The following CPM variants were observed in gnomAD, a reference collection of about 807,000 sequenced individuals.
CPM encodes renal carboxypeptidase.
CPM carries 35 observed loss-of-function variants against 46.4 expected under a neutral mutation model. The observed-to-expected ratio is 0.75, with a 90% CI of 0.58 to 1.00. The LOEUF is 1.00. CPM is among the 50% of genes least tolerant of loss of function. The probability of loss-of-function intolerance (pLI) is 0.00; values close to 1 mark genes in which losing one functional copy is unlikely to be tolerated. For synonymous variants in CPM, 195 were observed against 195.3 expected, an observed-to-expected ratio of 1.00 and a Z score of 0.01; for missense variants, 422 against 530.4, an observed-to-expected ratio of 0.80 and a Z score of 2.01.
intron 7 of CPM, among the ~76,000 whole-genome samples, chr12:68,866,488 C>T (rs185874335): frequency 8.0e-4 from 122 of 152,290 alleles, no homozygotes; most frequent in African/African-American, 2.7e-3. Context: ...GGACTACAGG[C>T]GTGTGCCACC....
At chr12:68,889,106 T>C (rs148409625) in intron 2 of CPM, among the ~76,000 whole-genome samples, 32 of 152,340 alleles carry the variant, frequency 2.1e-4, no homozygotes, top group African/African-American at 7.7e-4. Context: ...GAAACTGGCA[T>C]TTAACAAGTT....
rs546662020 is a variant in CPM at position 68,917,397 on chromosome 12, G to A, written c.160+15281C>T. On this transcript the variant is annotated intron_variant, in intron 2 of 8. Transcript: ENST00000551568. ...GAACTATATTAGGCATTCAATAAAT[G>A]TTTACTAAATAAGTGGAATGAATCT... Among the ~76,000 whole-genome samples, 4 of 152,286 alleles carry A rather than the reference G, an allele frequency of 2.6e-5. No individual in the cohort carries two copies. In the South Asian group the frequency reaches 8.3e-4, roughly 32 times the overall value.
At chr12:68,866,197 G>A (rs141075659) in intron 7 of CPM, among the ~76,000 whole-genome samples, 178 of 152,310 alleles carry the variant, frequency 1.2e-3, no homozygotes, top group African/African-American at 4.2e-3. Flanking sequence ...TTGGTACTGC[G>A]TGGTGAGTGA....
intron 2 of CPM, among the ~76,000 whole-genome samples, chr12:68,896,340 C>T (rs1886876344): frequency 6.6e-6 from 1 of 152,138 alleles, no homozygotes; most frequent in African/African-American, 2.4e-5. Flanking sequence ...CCCCTGCAAC[C>T]CCTCTCCTAT....
At chr12:68,925,073 A>G (rs1045511713) in intron 2 of CPM, among the ~76,000 whole-genome samples, 28 of 152,248 alleles carry the variant, frequency 1.8e-4, no homozygotes, top group African/African-American at 5.8e-4. Flanking sequence ...TACTTACAAC[A>G]TAACAATGAG....
At chr12:68,925,912 A>T (rs149457366) in intron 2 of CPM, among the ~76,000 whole-genome samples, 2 of 152,206 alleles carry the variant, frequency 1.3e-5, no homozygotes, top group African/African-American at 4.8e-5. Flanking sequence ...TTTTATTTAT[A>T]TATTTATTTA....
intron 2 of CPM, among the ~76,000 whole-genome samples, chr12:68,902,252 T>C (rs756178287): frequency 1.3e-5 from 2 of 152,176 alleles, no homozygotes; most frequent in Non-Finnish European, 2.9e-5. Flanking sequence ...TGTAGCAAGG[T>C]ACCATGTGAA....
intron 5 of CPM, chr12:68,842,467 T>G (rs1024516815): frequency 2.4e-6 from 1 of 414,282 alleles, no homozygotes; most frequent in African/African-American, 2.1e-5. Context: ...AATTATTGAC[T>G]TATTTTTTAT....
chr12:68,879,135 C>A (rs1886082228), intron 3 of CPM, among the ~76,000 whole-genome samples: 1 of 152,170 alleles, frequency 6.6e-6, no homozygotes, highest in Non-Finnish European at 1.5e-5. Context: ...TTACAGTGAG[C>A]CATGATCACA....
chr12:68,876,433 A>C (rs1885953083), intron 3 of CPM, among the ~76,000 whole-genome samples: 1 of 152,236 alleles, frequency 6.6e-6, no homozygotes, highest in African/African-American at 2.4e-5. Flanking sequence ...TGTTTCAAAC[A>C]CTCATTCATG....
intron 7 of CPM, among the ~76,000 whole-genome samples, chr12:68,863,237 G>T (rs1301347412): frequency 6.6e-6 from 1 of 152,156 alleles, no homozygotes; most frequent in Non-Finnish European, 1.5e-5. Flanking sequence ...TTAGGTTTCT[G>T]GATGCTGTGA....
At chr12:68,900,559 G>A (rs1381179074) in intron 2 of CPM, among the ~76,000 whole-genome samples, 2 of 152,072 alleles carry the variant, frequency 1.3e-5, no homozygotes, top group Non-Finnish European at 1.5e-5. Context: ...GAAAACTTAC[G>A]TCCATATAAA....
chr12:68,887,190 G>C (rs985686902), intron 2 of CPM, among the ~76,000 whole-genome samples: 1 of 152,110 alleles, frequency 6.6e-6, no homozygotes, highest in Admixed American at 6.5e-5. Flanking sequence ...AAATTGTCTG[G>C]CACTTTTAAT....
intron 2 of CPM, among the ~76,000 whole-genome samples, chr12:68,914,337 A>G (rs1338210538): frequency 6.6e-6 from 1 of 151,868 alleles, no homozygotes; most frequent in Non-Finnish European, 1.5e-5. Flanking sequence ...GAGTTTTTAT[A>G]TAATTTAAAA....
chr12:68,888,896 C>G (rs1886540511), intron 2 of CPM, among the ~76,000 whole-genome samples: 1 of 152,182 alleles, frequency 6.6e-6, no homozygotes, highest in African/African-American at 2.4e-5. Context: ...GCTAAGATCT[C>G]TAAGACAAGA....
intron 6 of CPM, among the ~76,000 whole-genome samples, chr12:68,868,143 G>A (rs529698431): frequency 1.3e-5 from 2 of 152,270 alleles, no homozygotes; most frequent in South Asian, 2.1e-4. Context: ...GAACATGAAG[G>A]ACAGCTCTGC....
intron 8 of CPM, among the ~76,000 whole-genome samples, chr12:68,857,364 A>G (rs1885023942): frequency 1.3e-5 from 2 of 151,772 alleles, no homozygotes; most frequent in East Asian, 3.9e-4. Context: ...GTTTCACCAC[A>G]TTGGCCAGGC....
At chr12:68,927,323 AGCATTTTTTCATGTGTTTTTTG>A in intron 2 of CPM, among the ~76,000 whole-genome samples, 1 of 151,168 alleles carries the variant, frequency 6.6e-6, no homozygotes, top group East Asian at 1.9e-4. Flanking sequence ...AGTGATGGTG[AGCATTTTTTCATGTGTTTTTTG>A]GCTGCATAAA....
chr12:68,920,441 G>A (rs1452475911), intron 2 of CPM, among the ~76,000 whole-genome samples: 2 of 152,124 alleles, frequency 1.3e-5, no homozygotes, highest in Non-Finnish European at 2.9e-5. Flanking sequence ...GGGCTCAACT[G>A]AGTCACCAAC....
Sources: gnomAD v4.1 joint callset for allele counts (sites outside exome capture counted in the v4.1 genomes callset) on GRCh38, gnomAD v4.1.1 for gene constraint, MANE v1.5 for transcripts, NCBI Gene and HGNC (gene_info 2026-07-23, HGNC 2026-07-21) for gene names.